The following MALRD1 variants were observed in gnomAD, a reference collection of about 807,000 sequenced individuals.
MALRD1 encodes the protein MAM and LDL receptor class A domain containing 1.
A neutral mutation model predicts 242.1 loss-of-function variants in MALRD1; 247 were observed. The ratio of observed to expected loss-of-function variants is 1.02; its 90% CI spans 0.92 to 1.13. The LOEUF (loss-of-function observed/expected upper bound fraction) is 1.13. Ranked by LOEUF, MALRD1 falls within the 50% of genes most tolerant of loss-of-function variation. The pLI, the probability that MALRD1 is intolerant of heterozygous loss-of-function variation, is 0.00. For missense variants in MALRD1, 2,989 were observed against 2,533.1 expected (o/e 1.18, Z -3.86); for synonymous variants, 995 against 866.6 (o/e 1.15, Z -2.60).
At chr10:19,256,633 T>C (rs1307919309) in intron 18 of MALRD1, among the ~76,000 whole-genome samples, 1 of 152,054 alleles carries the variant, frequency 6.6e-6, no homozygotes, top group Non-Finnish European at 1.5e-5. Context: ...CAGTGACAAA[T>C]CAGGGAGAAA....
chr10:19,481,149 T>C (rs962626374), intron 29 of MALRD1, among the ~76,000 whole-genome samples: 6 of 152,172 alleles, frequency 3.9e-5, no homozygotes, highest in Non-Finnish European at 8.8e-5. Context: ...CCTCTGTGTA[T>C]TGCCAGTGAA....
chr10:19,417,246 G>GT (rs1833545347), intron 28 of MALRD1, among the ~76,000 whole-genome samples: 1 of 151,944 alleles, frequency 6.6e-6, no homozygotes. Context: ...AATGTCCACT[G>GT]TTTTTTTCTT....
rs576731487 is a variant in MALRD1, at chr10:19,444,549, T to A, written c.4846-5758T>A. Among the ~76,000 whole-genome samples the A allele has an allele frequency of 4.6e-5, 7 of 152,320 alleles. No individual in the cohort carries two copies. The South Asian group carries it at 1.5e-3, about 32-fold the overall frequency. On this transcript the variant is annotated intron_variant, in intron 28 of 39. Coordinates refer to ENST00000454679, the MANE Select transcript of MALRD1 (RefSeq NM_001142308.3). ...ATTTGCTTGTCTGTAAAGGATTTTA[T>A]TTCTCTTTCACTTATGAAGCTTAGT...
chr10:19,152,947 T>C (rs1366398205), intron 11 of MALRD1, among the ~76,000 whole-genome samples: 2 of 152,222 alleles, frequency 1.3e-5, no homozygotes, highest in Non-Finnish European at 1.5e-5. Context: ...AATATTGTTT[T>C]ATCATTTGCC....
chr10:19,133,873 G>C lies in MALRD1; in HGVS notation c.1128G>C (p.Trp376Cys). The C allele has an allele frequency of 8.1e-7, 1 of 1,228,894 alleles. No individual in the cohort carries two copies. Among genetic ancestry groups the C allele is most frequent in the South Asian group, 4.1e-5 (1 of 24,252 alleles). 76.1% of individuals were successfully genotyped at this position (1,228,894 alleles called of 1,614,324 possible). Residue 376 changes from tryptophan (W) to cysteine (C), a missense_variant, in exon 9 of 40, where the codon TGG becomes TGC. By Grantham distance (215) the Trp-to-Cys change is radical. Transcript: ENST00000454679. Reference sequence around the variant, plus strand: ...AATCAAAGGAAGAAGAAATATTTTGGACATACAACATATCAACTCACAGCC... The same window carrying C: ...AATCAAAGGAAGAAGAAATATTTTGCACATACAACATATCAACTCACAGCC... ...LYNNKEEEIF[W>C]TYNISTHSQW...
At chr10:19,554,986 G>A (rs1309468562) in intron 32 of MALRD1, among the ~76,000 whole-genome samples, 1 of 152,044 alleles carries the variant, frequency 6.6e-6, no homozygotes, top group Non-Finnish European at 1.5e-5. Flanking sequence ...TTACACAATG[G>A]CTGAACTAGT....
intron 31 of MALRD1, among the ~76,000 whole-genome samples, chr10:19,528,361 G>C (rs1200876519): frequency 6.6e-6 from 1 of 152,132 alleles, no homozygotes; most frequent in Non-Finnish European, 1.5e-5. Context: ...TTGGGAAGCC[G>C]AGGCGGGCGG....
intron 2 of MALRD1, among the ~76,000 whole-genome samples, chr10:19,083,686 A>G (rs1229029591): frequency 6.6e-6 from 1 of 151,934 alleles, no homozygotes; most frequent in Non-Finnish European, 1.5e-5. Context: ...GTCTAGCACC[A>G]TTTTACTCAT....
Position 19,185,703 on chromosome 10 carries a change from G to A in MALRD1, c.1951+10375G>A, listed in dbSNP as rs1034319578. ...ATCTTATGTACTCAGTATTGACCAA[G>A]AATAATTGCATTACTCTGCACTGAG... On this transcript the variant is annotated intron_variant, in intron 14 of 39. Transcript: ENST00000454679. Among the ~76,000 whole-genome samples the A allele has an allele frequency of 2.0e-5, 3 of 151,996 alleles. 1 individual carries two copies. The highest frequency in any genetic ancestry group is 2.0e-4 in the Admixed American group (3 of 15,258).
rs1259954871 is a variant in MALRD1 at position 19,692,401 on chromosome 10, G to A, written c.6217+40G>A. ...GACTAAATAAATGGCTTGGTTTGGG[G>A]TGGTCTCTAATATATTTCACTGCAT... On this transcript the variant is annotated intron_variant, in intron 37 of 39. Coordinates refer to ENST00000454679, the MANE Select transcript of MALRD1 (RefSeq NM_001142308.3). 6.5e-6 allele frequency: 10 copies of A among 1,531,780 alleles called. No individual in the cohort carries two copies. In the African/African-American group the frequency reaches 1.2e-4, roughly 19 times the overall value. The allele number at this position is 1,531,780 out of a possible 1,614,324, so 94.9% of individuals were successfully genotyped here. A position where few individuals can be genotyped will look rare whatever the true frequency, so the allele number is the denominator to read the frequency against.
At chr10:19,374,176 A>C (rs1049069251) in intron 26 of MALRD1, among the ~76,000 whole-genome samples, 7 of 152,212 alleles carry the variant, frequency 4.6e-5, no homozygotes, top group African/African-American at 1.7e-4. Context: ...TGTTTTTTAA[A>C]TGCCTTAGTA....
At chr10:19,644,091 A>G (rs1311148825) in intron 36 of MALRD1, among the ~76,000 whole-genome samples, 2 of 152,184 alleles carry the variant, frequency 1.3e-5, no homozygotes, top group South Asian at 4.1e-4. Flanking sequence ...CTTTTGTTGC[A>G]TTACCTAAAA....
chr10:19,073,430 A>T (rs1018495256), intron 2 of MALRD1, among the ~76,000 whole-genome samples: 5 of 152,276 alleles, frequency 3.3e-5, no homozygotes, highest in Non-Finnish European at 1.5e-5. Context: ...CCCTTATCCA[A>T]AAATCTGAAA....
chr10:19,692,799 A>G (rs1278714552), intron 38 of MALRD1, among the ~76,000 whole-genome samples: 10 of 816 alleles, frequency 0.012, no homozygotes, highest in South Asian at 0.045. Context: ...TTGAGGGCGT[A>G]TATATATATA....
intron 21 of MALRD1, among the ~76,000 whole-genome samples, chr10:19,314,846 C>T (rs769096365): frequency 1.4e-3 from 207 of 151,102 alleles, no homozygotes; most frequent in Non-Finnish European, 1.5e-3. Context: ...TGTAGACCAG[C>T]GCAACGTGAA....
At chr10:19,105,452 T>C (rs181303992) in intron 5 of MALRD1, among the ~76,000 whole-genome samples, 1 of 152,190 alleles carries the variant, frequency 6.6e-6, no homozygotes, top group Admixed American at 6.5e-5. Flanking sequence ...TCTTGGCTAT[T>C]GTAAGTAGTT....
chr10:19,052,360 T>A (rs1834534411), intron 1 of MALRD1, among the ~76,000 whole-genome samples: 1 of 152,240 alleles, frequency 6.6e-6, no homozygotes, highest in Admixed American at 6.5e-5. Flanking sequence ...AATGTTACTT[T>A]TTTTTGTCCA....
intron 19 of MALRD1, among the ~76,000 whole-genome samples, chr10:19,270,165 A>C (rs1164230209): frequency 1.3e-5 from 2 of 151,966 alleles, no homozygotes; most frequent in African/African-American, 4.8e-5. Context: ...AAATACAAAA[A>C]CTTAGATGGG....
At chr10:19,143,043 A>C (rs1346286775) in intron 10 of MALRD1, among the ~76,000 whole-genome samples, 1 of 152,220 alleles carries the variant, frequency 6.6e-6, no homozygotes, top group Non-Finnish European at 1.5e-5. Context: ...CCATGTCACC[A>C]TGTTGCTTTC....
Sources: gnomAD v4.1 joint callset for allele counts (sites outside exome capture counted in the v4.1 genomes callset) on GRCh38, gnomAD v4.1.1 for gene constraint, MANE v1.5 for transcripts, NCBI Gene and HGNC (gene_info 2026-07-23, HGNC 2026-07-21) for gene names.